Variants in PNPLA2 observed in about 807,000 individuals in gnomAD.
PNPLA2 encodes the protein patatin like domain 2, triacylglycerol lipase.
PNPLA2 carries 28 observed loss-of-function variants against 39.7 expected under a neutral mutation model. The ratio of observed to expected loss-of-function variants is 0.70; its 90% CI spans 0.52 to 0.97. The LOEUF (loss-of-function observed/expected upper bound fraction) is 0.97. Ranked by LOEUF, PNPLA2 falls within the 50% of genes least tolerant of loss-of-function variation. PNPLA2 has a pLI of 0.00. For missense variants in PNPLA2, 768 were observed against 698.2 expected (o/e 1.10, Z -1.13); for synonymous variants, 392 against 321.1 (o/e 1.22, Z -2.36).
intron 7 of PNPLA2, 70 bp from the exon 8 acceptor site, chr11:823,928 G>T: frequency 6.5e-7 from 1 of 1,547,200 alleles, no homozygotes; most frequent in South Asian, 1.2e-5. Context: ...ACGGTGAGCA[G>T]GGGAGGGAAG....
At chr11:822,677 C>T in intron 5 of PNPLA2, 71 bp downstream of exon 5, 2 of 1,300,454 alleles carry the variant, frequency 1.5e-6, no homozygotes, top group African/African-American at 1.5e-5. Context: ...AACACTGATC[C>T]TTTGACTTCT....
rs373510143 is a variant in PNPLA2, at chr11:823,795, T to G, written c.859T>G (p.Tyr287Asp). The part of the protein sequence containing the change: ...QAVESAQAED[Y>D]SQLPGEDHIL... ...AGTGGAGAGCGCCCAAGCGGAGGAT[T>G]ACTCGCAGCTGCCCGGAGAAGATCA... is the stretch of plus-strand genomic sequence containing the variant. Residue 287 changes from tyrosine (Y) to aspartate (D), a missense_variant, in exon 7 of 10, where the codon TAC becomes GAC. Tyr to Asp is a radical substitution (Grantham distance 160, BLOSUM62 -3). Coordinates refer to ENST00000336615, the MANE Select transcript of PNPLA2 (RefSeq NM_020376.4). 1.9e-5 allele frequency: 30 copies of G among 1,606,640 alleles called. No individual in the cohort carries two copies. The highest frequency in any genetic ancestry group is 2.5e-5 in the Non-Finnish European group (30 of 1,177,468).
chr11:819,531 G>C (rs1040547634), intron 1 of PNPLA2, 43 bp from the exon 2 acceptor site: 34 of 1,270,346 alleles, frequency 2.7e-5, no homozygotes, highest in African/African-American at 3.1e-5. Context: ...CCCCCGCCGT[G>C]AGTCCCACAC....
Position 821,952 on chromosome 11 carries a change from C to A in PNPLA2, c.421-6C>A. ...CATTCTCTCCCACTCTGTCCCTGCCCTGAAGGCCAATGTCTGCAGCGGTTT... is the reference window on the plus strand; with the variant it reads ...CATTCTCTCCCACTCTGTCCCTGCCATGAAGGCCAATGTCTGCAGCGGTTT... On this transcript the variant is annotated splice_region_variant and splice_polypyrimidine_tract_variant and intron_variant, in intron 3 of 9. Coordinates refer to ENST00000336615, the MANE Select transcript of PNPLA2 (RefSeq NM_020376.4). 1 of 1,613,958 alleles carries A rather than the reference C, an allele frequency of 6.2e-7. No individual in the cohort carries two copies. The highest frequency in any genetic ancestry group is 8.5e-7 in the Non-Finnish European group (1 of 1,179,972).
At chr11:822,641 C>A in intron 5 of PNPLA2, 35 bp downstream of exon 5, 1 of 1,517,732 alleles carries the variant, frequency 6.6e-7, no homozygotes, top group Non-Finnish European at 9.1e-7. Context: ...GCCTTCCCAG[C>A]CACTCCTCAC....
intron 2 of PNPLA2, 106 bp from the exon 3 acceptor site, chr11:821,522 C>T: frequency 4.8e-6 from 4 of 825,394 alleles, no homozygotes; most frequent in Non-Finnish European, 8.1e-6. Context: ...CACTGGGCCT[C>T]CTCCAGGGTC....
Position 824,031 on chromosome 11 carries a change from T to A in PNPLA2, c.953T>A (p.Leu318Gln). ...LLEACVEPTD[L>Q]LTTLSNMLPV... The stretch of plus-strand genomic sequence containing the variant: ...GAGGCCTGCGTGGAGCCCACGGACC[T>A]GCTGACCACCCTCTCCAACATGCTG... Residue 318 changes from leucine (L) to glutamine (Q), a missense_variant, in exon 8 of 10, where the codon CTG (leucine) becomes CAG (glutamine). By Grantham distance (113) the Leu-to-Gln change is moderately radical. Transcript: ENST00000336615. The A allele has an allele frequency of 6.2e-7, 1 of 1,610,498 alleles. No individual in the cohort carries two copies. The highest frequency in any genetic ancestry group is 8.5e-7 in the Non-Finnish European group (1 of 1,179,432).
intron 2 of PNPLA2, among the ~76,000 whole-genome samples, chr11:820,669 G>T (rs1330042196): frequency 6.6e-6 from 1 of 152,198 alleles, no homozygotes. Flanking sequence ...ACTCTGCTCA[G>T]CAGGAGCCTG....
chr11:822,669 C>T (rs1238857562), intron 5 of PNPLA2, 63 bp downstream of exon 5: 8 of 1,362,198 alleles, frequency 5.9e-6, no homozygotes, highest in Non-Finnish European at 8.4e-6. Flanking sequence ...CAAGGGAGAA[C>T]ACTGATCCTT....
At position 822,821 on chromosome 11, in the gene PNPLA2, T is replaced by TCTC. The variant is rs1554975931; in HGVS notation, c.696+215_696+216insCTC. Among the ~76,000 whole-genome samples, 37 of 45,022 alleles carry TCTC rather than the reference T, an allele frequency of 8.2e-4. 1 individual carries two copies. The highest frequency in any genetic ancestry group is 2.5e-3 in the Admixed American group (7 of 2,834). 29.5% of individuals were successfully genotyped at this position (45,022 alleles called of 152,430 possible). A position where few individuals can be genotyped will look rare whatever the true frequency, so the allele number is the denominator to read the frequency against. ...AGGCTCCCTGTCCAGTCTCTCTCTC[T>TCTC]TTTTTTTTTTTTTTTTTGTTTGAGA... On this transcript the variant is annotated intron_variant, in intron 5 of 9. Transcript: ENST00000336615.
Position 824,347 on chromosome 11 carries a change from C to T in PNPLA2, c.1086C>T (p.Asp362=), listed in dbSNP as rs1845793715. 1 of 1,551,214 alleles carries T rather than the reference C, an allele frequency of 6.4e-7. No homozygotes were observed. The highest frequency in any genetic ancestry group is 1.4e-5 in the African/African-American group (1 of 73,194). ...AGTGGCTGCCCGACGTTCCCGAGGACATCCGGTGGATGAAGGAGCAGACGG... is the reference window on the plus strand; with the variant it reads ...AGTGGCTGCCCGACGTTCCCGAGGATATCCGGTGGATGAAGGAGCAGACGG... ...LLEWLPDVPE[D]IRWMKEQTGS... Residue 362 remains aspartate, a synonymous_variant, in exon 9 of 10, where the codon GAC becomes GAT. Coordinates refer to ENST00000336615, the MANE Select transcript of PNPLA2 (RefSeq NM_020376.4).
In PNPLA2 at chr11:824,715, C is replaced by T. The variant is rs547688484; in HGVS notation, c.1368C>T (p.Pro456=). Residue 456 remains proline, a synonymous_variant, in exon 10 of 10, where the codon CCC becomes CCT. Transcript: ENST00000336615. ...GLFCTNVAFP[P]EALRMRAPAD... is the part of the protein sequence containing the mutation. ...TCTGCACCAACGTGGCCTTCCCGCC[C>T]GAAGCTCTGCGCATGCGCGCACCCG... The T allele has an allele frequency of 4.0e-5, 63 of 1,587,616 alleles. No individual in the cohort carries two copies. The African/African-American group carries it at 7.0e-4, about 18-fold the overall frequency.
At chr11:819,930 CG>C in intron 2 of PNPLA2, 25 bp downstream of exon 2, 5 of 1,272,152 alleles carry the variant, frequency 3.9e-6, no homozygotes, top group South Asian at 2.0e-5. Flanking sequence ...GGGCGGCAGG[CG>C]GGGGGCTGGC....
chr11:821,476 T>C (rs1845662129), intron 2 of PNPLA2, 152 bp from the exon 3 acceptor site: 1 of 673,904 alleles, frequency 1.5e-6, no homozygotes, highest in Non-Finnish European at 2.7e-6. Flanking sequence ...CCAGGGGAGG[T>C]GGCCAAAGTC....
At chr11:823,609 A>AG in intron 6 of PNPLA2, 22 bp downstream of exon 6, 1 of 1,244,462 alleles carries the variant, frequency 8.0e-7, no homozygotes, top group Non-Finnish European at 1.2e-6. Flanking sequence ...CGGGCGGGAG[A>AG]GGGCGGGGTG....
chr11:824,097 T>C lies in PNPLA2; in HGVS notation c.1019T>C (p.Leu340Pro). The part of the protein sequence containing the change: ...LATAMMVPYT[L>P]PLESALSFTI... ...ACGGCCATGATGGTGCCCTACACGC[T>C]GCCGCTGGAGAGCGCTCTGTCCTTC... is the stretch of plus-strand genomic sequence containing the variant. Residue 340 changes from leucine (L) to proline (P), a missense_variant, in exon 8 of 10, where the codon CTG becomes CCG. Transcript: ENST00000336615. 6.2e-7 allele frequency: 1 copy of C among 1,603,854 alleles called. No homozygotes were observed. Among genetic ancestry groups the C allele is most frequent in the Non-Finnish European group, 8.5e-7 (1 of 1,176,578 alleles).
Position 824,734 on chromosome 11 carries a change from G to A in PNPLA2, c.1387G>A (p.Ala463Thr), listed in dbSNP as rs745652221. ...CCCGCCCGAAGCTCTGCGCATGCGCGCACCCGCCGACCCGGCTCCCGCCCC... is the reference window on the plus strand; with the variant it reads ...CCCGCCCGAAGCTCTGCGCATGCGCACACCCGCCGACCCGGCTCCCGCCCC... ...AFPPEALRMR[A>T]PADPAPAPAD... Residue 463 changes from alanine to threonine, a missense_variant, in exon 10 of 10, where the codon GCA (alanine) becomes ACA (threonine). Ala to Thr is a moderately conservative substitution (Grantham distance 58). Transcript: ENST00000336615. The A allele has an allele frequency of 3.8e-6, 6 of 1,562,836 alleles. No homozygotes were observed. The East Asian group carries it at 7.1e-5, about 18-fold the overall frequency.
rs773058474 is a variant in PNPLA2, at chr11:819,798, C to T, written c.80C>T (p.Ser27Phe). Reference protein sequence around the residue: ...FLGVYYVGVASCLREHAPFLV... With the variant: ...FLGVYYVGVAFCLREHAPFLV... ...GGCGTCTACTACGTCGGCGTGGCCTCCTGCCTCCGCGAGCACGCGCCCTTC... is the reference window on the plus strand; with the variant it reads ...GGCGTCTACTACGTCGGCGTGGCCTTCTGCCTCCGCGAGCACGCGCCCTTC... Residue 27 changes from serine (S) to phenylalanine (F), a missense_variant, in exon 2 of 10, where the codon TCC (serine) becomes TTC (phenylalanine). Physicochemically the swap from Ser to Phe is radical, Grantham distance 155 (BLOSUM62 -2). Coordinates refer to ENST00000336615, the MANE Select transcript of PNPLA2 (RefSeq NM_020376.4). 54 of 1,508,704 alleles carry T rather than the reference C, an allele frequency of 3.6e-5. 1 individual carries two copies. The highest frequency in any genetic ancestry group is 2.5e-5 in the South Asian group (2 of 80,296). The allele number at this position is 1,508,704 out of a possible 1,614,324, so 93.5% of individuals were successfully genotyped here.
In PNPLA2 at chr11:824,971, G is replaced by A. The variant is rs1845841349; in HGVS notation, c.*109G>A. ...AGGGGTCTTTGCCGTGGGCCCCCTC[G>A]CCAGCCACTCACCAGCTGCATGCAC... On this transcript the variant is annotated 3_prime_UTR_variant, in exon 10 of 10. Coordinates refer to ENST00000336615, the MANE Select transcript of PNPLA2 (RefSeq NM_020376.4). 4 of 886,508 alleles carry A rather than the reference G, an allele frequency of 4.5e-6. No individual in the cohort carries two copies. The highest frequency in any genetic ancestry group is 6.9e-6 in the Non-Finnish European group (4 of 581,020). 54.9% of individuals were successfully genotyped at this position (886,508 alleles called of 1,614,324 possible). A position where few individuals can be genotyped will look rare whatever the true frequency, so the allele number is the denominator to read the frequency against.
Sources: allele counts gnomAD v4.1 joint callset (sites outside exome capture counted in the v4.1 genomes callset), GRCh38; gene constraint gnomAD v4.1.1; transcripts MANE v1.5; gene names NCBI Gene and HGNC (gene_info 2026-07-23, HGNC 2026-07-21).